LAMA2: variants seen among roughly 807,000 people sequenced by gnomAD.
LAMA2 encodes the protein laminin subunit alpha 2, also known as laminin subunit alpha-2.
In LAMA2, 269 loss-of-function variants were observed where a neutral mutation model predicts 364.8. The observed-to-expected ratio is 0.74, with a 90% CI of 0.67 to 0.82. The LOEUF (loss-of-function observed/expected upper bound fraction) is 0.82. Ranked by LOEUF, LAMA2 falls within the 40% of genes least tolerant of loss-of-function variation. LAMA2 has a pLI of 0.00. For synonymous variants in LAMA2, 1,379 were observed against 1,370.6 expected (o/e 1.01, Z -0.14); for missense variants, 3,807 against 3,873.2 (o/e 0.98, Z 0.45).
intron 1 of LAMA2, among the ~76,000 whole-genome samples, chr6:128,897,030 A>C (rs2114402411): frequency 6.6e-6 from 1 of 152,370 alleles, no homozygotes; most frequent in South Asian, 2.1e-4. Context: ...AGAAGAGAAA[A>C]CTGAAATGCA....
chr6:128,953,540 C>A (rs1329289826), intron 1 of LAMA2, among the ~76,000 whole-genome samples: 1 of 151,640 alleles, frequency 6.6e-6, no homozygotes, highest in Non-Finnish European at 1.5e-5. Flanking sequence ...AAAACAAAAA[C>A]AAAACCTATG....
In LAMA2 at chr6:129,453,083, G is replaced by A. The variant is rs199676897; in HGVS notation, c.6525G>A (p.Lys2175=). ...ACAATAATATTGTTGTCAACGTAAA[G>A]ACAGCTGTTGCTGATAACCTCCTCT... ...GSYNNIVVNV[K]TAVADNLLFY... The change falls in exon 46 of 65, where the codon AAG becomes AAA. Residue 2175 remains lysine, a synonymous_variant. Coordinates refer to ENST00000421865, the MANE Select transcript of LAMA2 (RefSeq NM_000426.4). The A allele has an allele frequency of 2.3e-5, 37 of 1,613,008 alleles. No homozygotes were observed. Among genetic ancestry groups the A allele is most frequent in the South Asian group, 2.0e-4 (18 of 91,074 alleles).
chr6:128,946,011 T>A (rs1353237723), intron 1 of LAMA2, among the ~76,000 whole-genome samples: 1 of 152,152 alleles, frequency 6.6e-6, no homozygotes, highest in African/African-American at 2.4e-5. Flanking sequence ...CAAATAATCA[T>A]GTGAGAAGGC....
Position 128,940,503 on chromosome 6 carries a change from G to A in LAMA2, c.112+57146G>A, listed in dbSNP as rs577700693. ...TGCAGACATCTAATAAATATTTGTC[G>A]GAAGGAATAAATATTAGTGAGAGAA... On this transcript the variant is annotated intron_variant, in intron 1 of 64. Transcript: ENST00000421865. Among the ~76,000 whole-genome samples the A allele has an allele frequency of 3.1e-3, 473 of 152,146 alleles. 1 individual carries two copies. The highest frequency in any genetic ancestry group is 4.8e-3 in the Non-Finnish European group (329 of 68,006).
In LAMA2 at chr6:129,071,528, A is replaced by G. The variant is rs187179665; in HGVS notation, c.396+11632A>G. Among the ~76,000 whole-genome samples the G allele has an allele frequency of 1.0e-3, 157 of 152,056 alleles. 4 individuals are homozygous for G. The highest frequency in any genetic ancestry group is 9.3e-3 in the Admixed American group (142 of 15,266). ...AATATTTCAGTTCTTTTTTCCTAATATATTTATTAACGCCTACAATTTGCC... is the reference window on the plus strand; with the variant it reads ...AATATTTCAGTTCTTTTTTCCTAATGTATTTATTAACGCCTACAATTTGCC... On this transcript the variant is annotated intron_variant, in intron 3 of 64. Coordinates refer to ENST00000421865, the MANE Select transcript of LAMA2 (RefSeq NM_000426.4).
At chr6:128,889,175 T>A (rs1010474522) in intron 1 of LAMA2, among the ~76,000 whole-genome samples, 2 of 152,210 alleles carry the variant, frequency 1.3e-5, no homozygotes, top group African/African-American at 4.8e-5. Context: ...AGGGTAATTT[T>A]AAATAGTATG....
rs2114860964 is a variant in LAMA2, at chr6:129,492,451, G to C, written c.8212G>C (p.Ala2738Pro). The change falls in exon 58 of 65, where the codon GCC becomes CCC. Residue 2738 changes from alanine (A) to proline (P), a missense_variant. By Grantham distance (27) the Ala-to-Pro change is conservative. Around this residue, in one of 3 missense-constraint regions of LAMA2, gnomAD observed 3,333 missense variants for 3,345.7 expected, o/e 1.00. Coordinates refer to ENST00000421865, the MANE Select transcript of LAMA2 (RefSeq NM_000426.4). ...VIQPEPVPTP[A>P]FPTPTPVLTH... The stretch of plus-strand genomic sequence containing the variant: ...CCAGCCTGAGCCAGTTCCCACCCCA[G>C]CCTTTCCTACGCCCACCCCAGTTCT... 1 of 1,613,706 alleles carries C rather than the reference G, an allele frequency of 6.2e-7. No homozygotes were observed. The highest frequency in any genetic ancestry group is 8.5e-7 in the Non-Finnish European group (1 of 1,179,816).
chr6:129,063,024 C>G (rs959102086), intron 3 of LAMA2, among the ~76,000 whole-genome samples: 1 of 149,100 alleles, frequency 6.7e-6, no homozygotes, highest in Non-Finnish European at 1.5e-5. Context: ...TTCTTAGATA[C>G]GTATTACTAA....
At chr6:129,325,986 C>T (rs115127563) in intron 28 of LAMA2, among the ~76,000 whole-genome samples, 1,984 of 152,154 alleles carry the variant, frequency 0.013, 48 homozygotes, top group African/African-American at 0.046. Context: ...ACTACAGACA[C>T]GCATCACCAC....
At chr6:128,885,223 C>T (rs1376818769) in intron 1 of LAMA2, among the ~76,000 whole-genome samples, 1 of 152,062 alleles carries the variant, frequency 6.6e-6, no homozygotes, top group Non-Finnish European at 1.5e-5. Context: ...GAGGTTGGCT[C>T]AAGGATAAAT....
At chr6:129,117,085 T>G (rs1266705853) in intron 4 of LAMA2, among the ~76,000 whole-genome samples, 1 of 152,186 alleles carries the variant, frequency 6.6e-6, no homozygotes, top group Non-Finnish European at 1.5e-5. Flanking sequence ...TAATGCAGAA[T>G]TTTCAGACAA....
chr6:129,444,318 A>G (rs1782261305), intron 44 of LAMA2, among the ~76,000 whole-genome samples: 1 of 152,184 alleles, frequency 6.6e-6, no homozygotes, highest in Non-Finnish European at 1.5e-5. Flanking sequence ...TTTCTCATTA[A>G]TCTAAATCTA....
At chr6:129,104,346 T>C (rs1217955355) in intron 4 of LAMA2, among the ~76,000 whole-genome samples, 4 of 152,212 alleles carry the variant, frequency 2.6e-5, no homozygotes, top group African/African-American at 9.6e-5. Flanking sequence ...CAAGGCATTA[T>C]GAAATAAACA....
chr6:129,361,090 T>C (rs1777431854), intron 32 of LAMA2, among the ~76,000 whole-genome samples: 1 of 152,170 alleles, frequency 6.6e-6, no homozygotes, highest in Admixed American at 6.5e-5. Flanking sequence ...CTAAAAAGCA[T>C]GGTGAAACAT....
chr6:129,440,816 A>T lies in LAMA2; in HGVS notation c.6086A>T (p.Asp2029Val), dbSNP rs1360829571. The change falls in exon 43 of 65, where the codon GAT (aspartate) becomes GTT (valine). Residue 2029 changes from aspartate (D) to valine (V), a missense_variant and splice_region_variant. By Grantham distance (152) the Asp-to-Val change is radical. Transcript: ENST00000421865. ...TTTTCATACCCTCATCTGCTGACAG[A>T]TACAGCTGCTAAACTGCAAGCTGTT... ...TLGKLSAIPN[D>V]TAAKLQAVKD... 6.2e-7 allele frequency: 1 copy of T among 1,613,542 alleles called. No individual in the cohort carries two copies. Among genetic ancestry groups the T allele is most frequent in the Non-Finnish European group, 8.5e-7 (1 of 1,179,546 alleles).
At chr6:129,084,420 A>G (rs4144419) in intron 3 of LAMA2, among the ~76,000 whole-genome samples, 144,487 of 152,242 alleles carry the variant, frequency 0.95, 68,632 homozygotes, top group East Asian at 0.97. Flanking sequence ...CATGTGATAC[A>G]TTTCTAAAAT....
intron 27 of LAMA2, among the ~76,000 whole-genome samples, chr6:129,319,060 T>A (rs548317933): frequency 8.3e-4 from 127 of 152,316 alleles, no homozygotes; most frequent in African/African-American, 2.9e-3. Flanking sequence ...TCAGAAAAGG[T>A]GAGTTAAGTT....
At chr6:129,437,591 G>T (rs1781897347) in intron 41 of LAMA2, among the ~76,000 whole-genome samples, 1 of 151,848 alleles carries the variant, frequency 6.6e-6, no homozygotes, top group Non-Finnish European at 1.5e-5. Context: ...AATTTTTATG[G>T]CATAAGAAAC....
At chr6:128,934,057 T>G (rs951205869) in intron 1 of LAMA2, among the ~76,000 whole-genome samples, 2 of 152,252 alleles carry the variant, frequency 1.3e-5, no homozygotes, top group Non-Finnish European at 2.9e-5. Context: ...TTTTAGAAGC[T>G]TTATGGTTTC....
Sources: gnomAD v4.1 joint callset for allele counts (sites outside exome capture counted in the v4.1 genomes callset) on GRCh38, gnomAD v4.1.1 for gene constraint, gnomAD v4.1.1 regional missense constraint, MANE v1.5 for transcripts, NCBI Gene and HGNC (gene_info 2026-07-23, HGNC 2026-07-21) for gene names.